Variants in NET1 observed in about 807,000 individuals in gnomAD.
The protein encoded by NET1 is neuroepithelial cell-transforming gene 1 protein.
Under a neutral mutation model 61.1 loss-of-function variants are expected in NET1, and 42 were observed. That is an observed-to-expected ratio of 0.69 (90% CI 0.54 to 0.89). NET1 has a LOEUF of 0.89. NET1 is among the 40% of genes least tolerant of loss of function. The pLI is 0.00. For missense variants in NET1, 654 were observed against 747.3 expected, an observed-to-expected ratio of 0.88 and a Z score of 1.46; for synonymous variants, 254 against 281.8, an observed-to-expected ratio of 0.90 and a Z score of 0.99.
chr10:5,422,892 T>A lies in NET1; in HGVS notation c.129-3763T>A, dbSNP rs1230409267. 6.6e-6 allele frequency among the ~76,000 whole-genome samples: 1 copy of A among 152,196 alleles called. No individual in the cohort carries two copies. The highest frequency in any genetic ancestry group is 1.9e-4 in the East Asian group (1 of 5,200). ...ATAATTTAGTTTGTTTTTGCCTGATTTGCAAAGAAATTGAGAACCTCAGTT... is the reference window on the plus strand; with the variant it reads ...ATAATTTAGTTTGTTTTTGCCTGATATGCAAAGAAATTGAGAACCTCAGTT... On this transcript the variant is annotated intron_variant, in intron 1 of 11. Coordinates refer to ENST00000355029, the MANE Select transcript of NET1 (RefSeq NM_001047160.3). The surrounding 1 kb of genome is among the most constrained non-coding windows in gnomAD (Gnocchi z 4.1).
rs1347720567 is a variant in NET1 at position 5,427,612 on chromosome 10, G to A, written c.195+891G>A. On this transcript the variant is annotated intron_variant, in intron 2 of 11. Coordinates refer to ENST00000355029, the MANE Select transcript of NET1 (RefSeq NM_001047160.3). This position sits in a 1 kb window ranked among gnomAD's most constrained non-coding sequence, Gnocchi z 4.1. ...GGGATCATATTATTCATAATTTTCT[G>A]TATCTTCTGGGTATGACCTTGGGAT... Among the ~76,000 whole-genome samples, 2 of 152,116 alleles carry A rather than the reference G, an allele frequency of 1.3e-5. No individual in the cohort carries two copies. The highest frequency in any genetic ancestry group is 2.9e-5 in the Non-Finnish European group (2 of 68,022).
Position 5,447,994 on chromosome 10 carries a change from A to C in NET1, c.256-3836A>C, listed in dbSNP as rs141669332. ...ACTAGGAATGTTGTCACGGTTTTAGATCTAGTGACACAGCTCTAAATAATT... is the reference window on the plus strand; with the variant it reads ...ACTAGGAATGTTGTCACGGTTTTAGCTCTAGTGACACAGCTCTAAATAATT... On this transcript the variant is annotated intron_variant, in intron 3 of 11. Coordinates refer to ENST00000355029, the MANE Select transcript of NET1 (RefSeq NM_001047160.3). This position sits in a 1 kb window ranked among gnomAD's most constrained non-coding sequence, Gnocchi z 4.1. Among the ~76,000 whole-genome samples, 75 of 152,328 alleles carry C rather than the reference A, an allele frequency of 4.9e-4. No individual in the cohort carries two copies. Among genetic ancestry groups the C allele is most frequent in the African/African-American group, 1.8e-3 (73 of 41,584 alleles).
At position 5,415,021 on chromosome 10, in the gene NET1, CAT is replaced by C. The variant is rs1341069635; in HGVS notation, c.128+2204_128+2205del. On this transcript the variant is annotated intron_variant, in intron 1 of 11. Coordinates refer to ENST00000355029, the MANE Select transcript of NET1 (RefSeq NM_001047160.3). This position sits in a 1 kb window ranked among gnomAD's most constrained non-coding sequence, Gnocchi z 4.7. ...GGAGAGAAAATGGAGAATTAAATAA[CAT>C]ATTCCTTTTCCAGAAAAGATGTAAG... is the stretch of plus-strand genomic sequence containing the variant. Among the ~76,000 whole-genome samples the C allele has an allele frequency of 2.0e-5, 3 of 152,236 alleles. No individual in the cohort carries two copies. The highest frequency in any genetic ancestry group is 1.9e-4 in the East Asian group (1 of 5,184).
rs1319615674 is a variant in NET1, at chr10:5,451,671, T to C, written c.256-159T>C. Among the ~76,000 whole-genome samples, 4 of 152,126 alleles carry C rather than the reference T, an allele frequency of 2.6e-5. No individual in the cohort carries two copies. Among genetic ancestry groups the C allele is most frequent in the Non-Finnish European group, 5.9e-5 (4 of 68,024 alleles). On this transcript the variant is annotated intron_variant, in intron 3 of 11. Coordinates refer to ENST00000355029, the MANE Select transcript of NET1 (RefSeq NM_001047160.3). The surrounding 1 kb of genome is among the most constrained non-coding windows in gnomAD (Gnocchi z 6.1). ...GAAAAGTTACTGCTACTCAATAGAG[T>C]TCTTATTGTTTTGACAATGAAGAAC...
chr10:5,450,320 T>C (rs1832684554), intron 3 of NET1, among the ~76,000 whole-genome samples: 1 of 152,214 alleles, frequency 6.6e-6, no homozygotes, highest in Non-Finnish European at 1.5e-5. Context: ...TACATATGTA[T>C]ACATTTAGGA....
intron 3 of NET1, among the ~76,000 whole-genome samples, chr10:5,450,366 A>G (rs78539393): frequency 6.6e-6 from 1 of 152,092 alleles, no homozygotes; most frequent in Non-Finnish European, 1.5e-5. Flanking sequence ...TGGATATTCA[A>G]ATTATTTACA....
rs1005524510 is a variant in NET1, at chr10:5,437,396, A to G, written c.255+8167A>G. 6.6e-6 allele frequency among the ~76,000 whole-genome samples: 1 copy of G among 152,100 alleles called. No homozygotes were observed. Among genetic ancestry groups the G allele is most frequent in the Admixed American group, 6.5e-5 (1 of 15,278 alleles). On this transcript the variant is annotated intron_variant, in intron 3 of 11. Coordinates refer to ENST00000355029, the MANE Select transcript of NET1 (RefSeq NM_001047160.3). The surrounding 1 kb of genome is among the most constrained non-coding windows in gnomAD (Gnocchi z 4.3). ...GTATTCCATAGTGTGTTAAAGTACC[A>G]TAATCTATTTAACCAGTCTTTTAAG...
rs1832572824 is a variant in NET1, at chr10:5,444,417, G to T, written c.256-7413G>T. 6.6e-6 allele frequency among the ~76,000 whole-genome samples: 1 copy of T among 152,094 alleles called. No individual in the cohort carries two copies. ...GATTATTTGTCTTTATAAATAGTCT[G>T]CACCCACTATTCTTCTGTATTCACT... On this transcript the variant is annotated intron_variant, in intron 3 of 11. Coordinates refer to ENST00000355029, the MANE Select transcript of NET1 (RefSeq NM_001047160.3). The surrounding 1 kb of genome is among the most constrained non-coding windows in gnomAD (Gnocchi z 5.3).
chr10:5,418,737 T>A (rs975109670), intron 1 of NET1, among the ~76,000 whole-genome samples: 27 of 152,202 alleles, frequency 1.8e-4, no homozygotes, highest in Non-Finnish European at 3.1e-4. Flanking sequence ...TTGGCCCTTT[T>A]TGTTTCCAGT....
chr10:5,415,310 T>G lies in NET1; in HGVS notation c.128+2490T>G, dbSNP rs1404883556. Among the ~76,000 whole-genome samples, 5 of 152,212 alleles carry G rather than the reference T, an allele frequency of 3.3e-5. No individual in the cohort carries two copies. Among genetic ancestry groups the G allele is most frequent in the Admixed American group, 6.5e-5 (1 of 15,286 alleles). ...AAAGAGCATTTGTACCCTTTAGCTA[T>G]TGTTCCTCTCCTACCCCTTCTGCCC... On this transcript the variant is annotated intron_variant, in intron 1 of 11. Coordinates refer to ENST00000355029, the MANE Select transcript of NET1 (RefSeq NM_001047160.3). The surrounding 1 kb of genome is among the most constrained non-coding windows in gnomAD (Gnocchi z 4.7).
At chr10:5,430,255 G>A (rs949962689) in intron 3 of NET1, among the ~76,000 whole-genome samples, 1 of 152,028 alleles carries the variant, frequency 6.6e-6, no homozygotes, top group Admixed American at 6.5e-5. Context: ...AGTAAAATAC[G>A]TGGTCTTCAA....
In NET1 at chr10:5,428,498, T is replaced by TAAA. The variant is rs10685042; in HGVS notation, c.196-672_196-671insAAA. 2.8e-3 allele frequency among the ~76,000 whole-genome samples: 378 copies of TAAA among 132,804 alleles called. 1 individual carries two copies. Among genetic ancestry groups the TAAA allele is most frequent in the East Asian group, 3.2e-3 (15 of 4,702 alleles). The allele number at this position is 132,804 out of a possible 152,430, so 87.1% of individuals were successfully genotyped here. A position where few individuals can be genotyped will look rare whatever the true frequency, so the allele number is the denominator to read the frequency against. ...CCCAAGATAAATAATGTGTTCCTTT[T>TAAA]CAAAAAAAAAAAACTAGCTGATTTT... On this transcript the variant is annotated intron_variant, in intron 2 of 11. Coordinates refer to ENST00000355029, the MANE Select transcript of NET1 (RefSeq NM_001047160.3).
Position 5,452,274 on chromosome 10 carries a change from T to C in NET1, c.364-84T>C. ...AGAAATTCTCAGAACTTTGTCTTTC[T>C]TCACTTTAAAAAAAAAGAAAATGGG... On this transcript the variant is annotated intron_variant, in intron 4 of 11. Coordinates refer to ENST00000355029, the MANE Select transcript of NET1 (RefSeq NM_001047160.3). The surrounding 1 kb of genome is among the most constrained non-coding windows in gnomAD (Gnocchi z 4.0). 8.0e-7 allele frequency: 1 copy of C among 1,252,326 alleles called. No homozygotes were observed. The highest frequency in any genetic ancestry group is 1.1e-6 in the Non-Finnish European group (1 of 946,768). 77.6% of individuals were successfully genotyped at this position (1,252,326 alleles called of 1,614,324 possible). A position where few individuals can be genotyped will look rare whatever the true frequency, so the allele number is the denominator to read the frequency against.
In NET1 at chr10:5,427,101, A is replaced by G. The variant is rs1048946231; in HGVS notation, c.195+380A>G. ...ATGCTTGATTGCACATTGTGTATATATATTTAATATATATAATGAATGATT... is the reference window on the plus strand; with the variant it reads ...ATGCTTGATTGCACATTGTGTATATGTATTTAATATATATAATGAATGATT... On this transcript the variant is annotated intron_variant, in intron 2 of 11. Coordinates refer to ENST00000355029, the MANE Select transcript of NET1 (RefSeq NM_001047160.3). This position sits in a 1 kb window ranked among gnomAD's most constrained non-coding sequence, Gnocchi z 4.1. 5.3e-5 allele frequency among the ~76,000 whole-genome samples: 8 copies of G among 151,824 alleles called. No homozygotes were observed. The highest frequency in any genetic ancestry group is 1.2e-4 in the Non-Finnish European group (8 of 67,934).
At chr10:5,430,973 A>G (rs10736998) in intron 3 of NET1, among the ~76,000 whole-genome samples, 145,727 of 149,392 alleles carry the variant, frequency 0.98, 71,171 homozygotes, top group East Asian at 1. Context: ...CCGGGTTCAC[A>G]CCATTCTCCT....
chr10:5,445,941 T>C lies in NET1; in HGVS notation c.256-5889T>C, dbSNP rs564673329. On this transcript the variant is annotated intron_variant, in intron 3 of 11. Coordinates refer to ENST00000355029, the MANE Select transcript of NET1 (RefSeq NM_001047160.3). Reference sequence around the variant, plus strand: ...ACAATATAGAGAACAGAAATCACCTTTGTTATAAAATATCTAGTACACAGA... The same window carrying C: ...ACAATATAGAGAACAGAAATCACCTCTGTTATAAAATATCTAGTACACAGA... Among the ~76,000 whole-genome samples, 13 of 152,278 alleles carry C rather than the reference T, an allele frequency of 8.5e-5. No individual in the cohort carries two copies. The South Asian group carries it at 2.7e-3, about 32-fold the overall frequency.
chr10:5,422,141 G>A lies in NET1; in HGVS notation c.129-4514G>A, dbSNP rs6601968. 0.97 allele frequency among the ~76,000 whole-genome samples: 147,428 copies of A among 152,214 alleles called. 71,516 individuals carry two copies. Among genetic ancestry groups the A allele is most frequent in the Non-Finnish European group, 1 (67,958 of 68,014 alleles). On this transcript the variant is annotated intron_variant, in intron 1 of 11. Coordinates refer to ENST00000355029, the MANE Select transcript of NET1 (RefSeq NM_001047160.3). This position sits in a 1 kb window ranked among gnomAD's most constrained non-coding sequence, Gnocchi z 4.1. ...GTGGATCACCTGAGGTCAGGAGTTC[G>A]AGACCAGCCTGGTCAACATGGCCTG... is the stretch of plus-strand genomic sequence containing the variant.
rs1442003696 is a variant in NET1, at chr10:5,443,700, A to T, written c.256-8130A>T. 6.6e-6 allele frequency among the ~76,000 whole-genome samples: 1 copy of T among 152,180 alleles called. No individual in the cohort carries two copies. Among genetic ancestry groups the T allele is most frequent in the Non-Finnish European group, 1.5e-5 (1 of 68,036 alleles). On this transcript the variant is annotated intron_variant, in intron 3 of 11. Transcript: ENST00000355029. This position sits in a 1 kb window ranked among gnomAD's most constrained non-coding sequence, Gnocchi z 4.8. ...TTGGTGAGCTGGGGCTTTTGTGAAC[A>T]TGGCTGTCATCAGTATACCCTATTT...
Position 5,454,272 on chromosome 10 carries a change from G to A in NET1, c.776G>A (p.Arg259His), listed in dbSNP as rs750324554. The A allele has an allele frequency of 1.4e-5, 23 of 1,611,338 alleles. No homozygotes were observed. Among genetic ancestry groups the A allele is most frequent in the South Asian group, 5.5e-5 (5 of 90,630 alleles). Residue 259 changes from arginine (R) to histidine (H), a missense_variant, in exon 9 of 12, where the codon CGC (arginine) becomes CAC (histidine). Transcript: ENST00000355029. The surrounding 1 kb of genome is among the most constrained non-coding windows in gnomAD (Gnocchi z 8.1). ...TCTTTTATTACTCTTCAGTTACCGC[G>A]CTTGAATGCCTACAGAGGTTACTGT... ...IGHILVSWLP[R>H]LNAYRGYCSN...
Sources: allele counts gnomAD v4.1 joint callset (sites outside exome capture counted in the v4.1 genomes callset), GRCh38; gene constraint gnomAD v4.1.1; non-coding constraint Gnocchi (gnomAD v3.1); transcripts MANE v1.5; gene names NCBI Gene and HGNC (gene_info 2026-07-23, HGNC 2026-07-21).